The following USP54 variants were observed in gnomAD, a reference collection of about 807,000 sequenced individuals.
The protein encoded by USP54 is ubiquitin specific peptidase 54.
USP54 carries 87 observed loss-of-function variants against 170.5 expected under a neutral mutation model. The ratio of observed to expected loss-of-function variants is 0.51; its 90% CI spans 0.43 to 0.61. The LOEUF is 0.61. USP54 is among the 20% of genes least tolerant of loss of function. The pLI is 0.00. For missense variants in USP54, 1,786 were observed against 2,047.8 expected, an observed-to-expected ratio of 0.87 and a Z score of 2.47; for synonymous variants, 655 against 742.8, an observed-to-expected ratio of 0.88 and a Z score of 1.92.
At chr10:73,592,665 A>G (rs2132225329), upstream of USP54, among the ~76,000 whole-genome samples, 1 of 152,340 alleles carries the variant, frequency 6.6e-6, no homozygotes, top group East Asian at 1.9e-4. Flanking sequence ...TCTTCAATCA[A>G]GTCATTAAAA....
intron 4 of USP54, among the ~76,000 whole-genome samples, chr10:73,557,314 A>G (rs964613850): frequency 6.6e-6 from 1 of 151,728 alleles, no homozygotes; most frequent in Non-Finnish European, 1.5e-5. Context: ...ATTAGCACAC[A>G]AACTTCTTCA....
chr10:73,549,942 G>C (rs1161076442), intron 4 of USP54, among the ~76,000 whole-genome samples: 7 of 152,068 alleles, frequency 4.6e-5, no homozygotes, highest in Admixed American at 4.6e-4. Context: ...TTTTGTTTTT[G>C]AGATGGAGTC....
chr10:73,594,514 C>T (rs2132234629), upstream of USP54, among the ~76,000 whole-genome samples: 1 of 152,254 alleles, frequency 6.6e-6, no homozygotes, highest in Middle Eastern at 3.4e-3. Context: ...ATGCAATCTT[C>T]TACCCTCAGC....
At chr10:73,536,888 T>C (rs2065321797) in intron 10 of USP54, among the ~76,000 whole-genome samples, 1 of 152,234 alleles carries the variant, frequency 6.6e-6, no homozygotes. Flanking sequence ...ACAGAAACTC[T>C]TTCACAGACT....
intron 4 of USP54, among the ~76,000 whole-genome samples, chr10:73,568,264 C>T (rs2074286908): frequency 6.6e-6 from 1 of 152,046 alleles, no homozygotes; most frequent in East Asian, 1.9e-4. Context: ...ACAGGAGGAC[C>T]CAGGTGCTGA....
intron 22 of USP54, among the ~76,000 whole-genome samples, chr10:73,501,634 A>C (rs1049147537): frequency 6.6e-6 from 1 of 152,054 alleles, no homozygotes; most frequent in Non-Finnish European, 1.5e-5. Flanking sequence ...ACAGCCTTCA[A>C]TCTGCTTTTC....
intron 1 of USP54, among the ~76,000 whole-genome samples, chr10:73,614,509 G>A (rs975453657): frequency 7.3e-6 from 1 of 137,594 alleles, no homozygotes; most frequent in Non-Finnish European, 1.5e-5. Context: ...GCAGTGAGCC[G>A]AGATCACGCC....
chr10:73,621,773 AGCATAGCTCC>A (rs2081116260), intron 1 of USP54, among the ~76,000 whole-genome samples: 1 of 152,172 alleles, frequency 6.6e-6, no homozygotes, highest in Non-Finnish European at 1.5e-5. Flanking sequence ...TATTTTCCCA[AGCATAGCTCC>A]CTATACAATT....
At chr10:73,600,716 C>T (rs1213432389) in intron 1 of USP54, among the ~76,000 whole-genome samples, 1 of 152,114 alleles carries the variant, frequency 6.6e-6, no homozygotes, top group Non-Finnish European at 1.5e-5. Flanking sequence ...GAGTTCGAGA[C>T]CAGCCTGGCC....
intron 1 of USP54, among the ~76,000 whole-genome samples, chr10:73,621,908 G>A (rs2081125317): frequency 6.6e-6 from 1 of 152,048 alleles, no homozygotes; most frequent in South Asian, 2.1e-4. Flanking sequence ...AAATATCTGA[G>A]GGAGAAAATG....
intron 1 of USP54, among the ~76,000 whole-genome samples, chr10:73,625,163 G>A (rs2081419260): frequency 6.6e-6 from 1 of 152,048 alleles, no homozygotes; most frequent in South Asian, 2.1e-4. Flanking sequence ...AACTCAATAC[G>A]CTTCAGAGGA....
chr10:73,529,717 G>A lies in USP54; in HGVS notation c.2023C>T (p.Leu675=). Residue 675 remains leucine (L), a synonymous_variant, in exon 15 of 24, where the codon CTG becomes TTG. Coordinates refer to ENST00000687698, the MANE Select transcript of USP54 (RefSeq NM_001391956.1). ...SERNSSSPVS[L]DAALPESSNV... Reference sequence around the variant, plus strand: ...GAGCTCTCAGGCAGGGCTGCATCCAGGCTGACAGGGCTGCTGCTGTTCCTC... The same window carrying A: ...GAGCTCTCAGGCAGGGCTGCATCCAAGCTGACAGGGCTGCTGCTGTTCCTC... 1 of 1,613,980 alleles carries A rather than the reference G, an allele frequency of 6.2e-7. No homozygotes were observed. Among genetic ancestry groups the A allele is most frequent in the Non-Finnish European group, 8.5e-7 (1 of 1,179,858 alleles).
intron 1 of USP54, among the ~76,000 whole-genome samples, chr10:73,581,054 C>T (rs1735163937): frequency 6.6e-6 from 1 of 152,214 alleles, no homozygotes; most frequent in South Asian, 2.1e-4. Context: ...GAACACATCC[C>T]TGTTGTTAAG....
intron 20 of USP54, among the ~76,000 whole-genome samples, chr10:73,509,439 C>CAA (rs1229372512): frequency 7.5e-5 from 8 of 106,764 alleles, no homozygotes; most frequent in Middle Eastern, 6.0e-3. Context: ...CTGTCTCTAC[C>CAA]AAAAAAAAAA....
chr10:73,611,789 C>T (rs1223681206), intron 1 of USP54, among the ~76,000 whole-genome samples: 1 of 148,808 alleles, frequency 6.7e-6, no homozygotes, highest in Non-Finnish European at 1.5e-5. Context: ...GAGCGGGACT[C>T]CATCTCAAAA....
At chr10:73,537,855 T>C (rs929250158) in intron 10 of USP54, 1 of 151,750 alleles carries the variant, frequency 6.6e-6, no homozygotes, top group Non-Finnish European at 1.5e-5. Flanking sequence ...TATGTGCAGC[T>C]CACTCACTGC....
intron 12 of USP54, 86 bp from the exon 13 acceptor site, chr10:73,530,921 T>G: frequency 1.3e-6 from 2 of 1,562,656 alleles, no homozygotes; most frequent in South Asian, 2.4e-5. Flanking sequence ...CCTTTGGGAG[T>G]GCCACAAATT....
Position 73,536,430 on chromosome 10 carries a change from G to T in USP54, c.983C>A (p.Pro328His). The change falls in exon 11 of 24, where the codon CCC becomes CAC. Residue 328 changes from proline (P) to histidine (H), a missense_variant. Coordinates refer to ENST00000687698, the MANE Select transcript of USP54 (RefSeq NM_001391956.1). ...TTTGGTCACCACATCCTTCCATTTG[G>T]GCCCAATCTGAACCAGAAACAACCA... ...FDDAHVKEIG[P>H]KWKDVVTKCI... 1 of 1,538,744 alleles carries T rather than the reference G, an allele frequency of 6.5e-7. No homozygotes were observed.
intron 15 of USP54, 62 bp downstream of exon 15, chr10:73,529,618 C>G: frequency 6.3e-7 from 1 of 1,596,408 alleles, no homozygotes; most frequent in Non-Finnish European, 8.6e-7. Flanking sequence ...GCCTGAAAGC[C>G]CCAAGTAGGT....
Sources: gnomAD v4.1 joint callset for allele counts (sites outside exome capture counted in the v4.1 genomes callset) on GRCh38, gnomAD v4.1.1 for gene constraint, MANE v1.5 for transcripts, NCBI Gene and HGNC (gene_info 2026-07-23, HGNC 2026-07-21) for gene names.